Variants in LRRTM4 observed in about 807,000 individuals in gnomAD.
LRRTM4 encodes the protein leucine-rich repeat transmembrane neuronal protein 4.
In LRRTM4, 25 loss-of-function variants were observed where a neutral mutation model predicts 47.6. The ratio of observed to expected loss-of-function variants is 0.53; its 90% CI spans 0.38 to 0.73. The LOEUF is 0.73. Ranked by LOEUF, LRRTM4 falls within the 30% of genes least tolerant of loss-of-function variation. LRRTM4 has a pLI of 0.00. For missense variants in LRRTM4, 638 were observed against 713.4 expected, an observed-to-expected ratio of 0.89 and a Z score of 1.20; for synonymous variants, 311 against 269.5, an observed-to-expected ratio of 1.15 and a Z score of -1.51.
At chr2:77,321,009 A>AT (rs1553428132) in intron 3 of LRRTM4, among the ~76,000 whole-genome samples, 1 of 152,138 alleles carries the variant, frequency 6.6e-6, no homozygotes, top group Non-Finnish European at 1.5e-5. Context: ...AAGAATAAAA[A>AT]ATATAGACTT....
Position 77,070,448 on chromosome 2 carries a change from T to C in LRRTM4, c.1552-321532A>G, listed in dbSNP as rs1207036467. Among the ~76,000 whole-genome samples, 4 of 152,246 alleles carry C rather than the reference T, an allele frequency of 2.6e-5. No homozygotes were observed. The East Asian group carries it at 5.8e-4, about 22-fold the overall frequency. The stretch of plus-strand genomic sequence containing the variant: ...AAAGATAAAACATAAATGACCAAAC[T>C]ACATCCTAAAAATGTTCAATCTTTC... On this transcript the variant is annotated intron_variant, in intron 3 of 3. Transcript: ENST00000409884.
intron 3 of LRRTM4, among the ~76,000 whole-genome samples, chr2:77,147,297 C>A (rs1303592796): frequency 1.3e-5 from 2 of 152,162 alleles, no homozygotes; most frequent in Non-Finnish European, 2.9e-5. Flanking sequence ...GCCTAGGTGA[C>A]AGGACTCATG....
intron 3 of LRRTM4, among the ~76,000 whole-genome samples, chr2:77,010,381 C>T (rs973075044): frequency 6.6e-6 from 1 of 151,734 alleles, no homozygotes; most frequent in African/African-American, 2.4e-5. Flanking sequence ...TGAGATTATG[C>T]AATATTTGTT....
chr2:76,914,465 CAA>C (rs1415942747), intron 3 of LRRTM4, among the ~76,000 whole-genome samples: 4 of 151,716 alleles, frequency 2.6e-5, no homozygotes, highest in African/African-American at 9.7e-5. Flanking sequence ...TGTAAAGTGT[CAA>C]AGATGATTTG....
intron 3 of LRRTM4, among the ~76,000 whole-genome samples, chr2:77,106,656 G>C (rs1482037012): frequency 2.6e-5 from 4 of 151,988 alleles, no homozygotes; most frequent in Non-Finnish European, 4.4e-5. Flanking sequence ...AGAATTACAA[G>C]GATAGAAAAA....
intron 3 of LRRTM4, among the ~76,000 whole-genome samples, chr2:76,990,901 A>G (rs1259655905): frequency 1.3e-5 from 2 of 151,730 alleles, no homozygotes; most frequent in African/African-American, 4.8e-5. Flanking sequence ...GCTTGGCTAT[A>G]AAGCATGTCT....
chr2:76,851,599 C>G (rs1230768251), intron 3 of LRRTM4, among the ~76,000 whole-genome samples: 1 of 152,000 alleles, frequency 6.6e-6, no homozygotes, highest in Non-Finnish European at 1.5e-5. Context: ...ATCTGCTAGA[C>G]TAACTGTTGC....
intron 3 of LRRTM4, among the ~76,000 whole-genome samples, chr2:77,120,032 G>A (rs1350016406): frequency 1.3e-5 from 2 of 151,756 alleles, no homozygotes; most frequent in Non-Finnish European, 3.0e-5. Flanking sequence ...AGATCTCTAG[G>A]ATAGCTTTCA....
chr2:77,190,552 GGCTTCCCAAAGT>G (rs1673640021), intron 3 of LRRTM4, among the ~76,000 whole-genome samples: 1 of 151,882 alleles, frequency 6.6e-6, no homozygotes, highest in South Asian at 2.1e-4. Context: ...TGCCCACCTC[GGCTTCCCAAAGT>G]GCTTGGATTA....
chr2:77,160,631 A>G (rs567505373), intron 3 of LRRTM4, among the ~76,000 whole-genome samples: 34 of 152,246 alleles, frequency 2.2e-4, no homozygotes, highest in African/African-American at 6.3e-4. Context: ...TACAATGAAG[A>G]CTGACAGCTT....
At chr2:76,771,742 T>A (rs74925922) in intron 3 of LRRTM4, among the ~76,000 whole-genome samples, 378 of 151,842 alleles carry the variant, frequency 2.5e-3, no homozygotes, top group African/African-American at 8.8e-3. Context: ...AGGCAGAAGA[T>A]CTTTCTCCTC....
chr2:77,083,791 T>TTTTG (rs1558569761), intron 3 of LRRTM4, among the ~76,000 whole-genome samples: 9 of 54,142 alleles, frequency 1.7e-4, no homozygotes, highest in African/African-American at 1.0e-3. Context: ...CACTTTTTTT[T>TTTTG]TTTTTTTTTT....
chr2:76,875,328 T>C (rs1672746787), intron 3 of LRRTM4, among the ~76,000 whole-genome samples: 2 of 152,154 alleles, frequency 1.3e-5, no homozygotes, highest in Admixed American at 1.3e-4. Context: ...TTCTCCATAA[T>C]TTCTCCTTCC....
rs553317240 is a variant in LRRTM4, at chr2:76,891,154, A to G, written c.1552-142238T>C. Reference sequence around the variant, plus strand: ...CAGAAAGTAAAGAGAAACGCAAAGCAAAAAGACACATCAAACCCTTCCCAA... The same window carrying G: ...CAGAAAGTAAAGAGAAACGCAAAGCGAAAAGACACATCAAACCCTTCCCAA... On this transcript the variant is annotated intron_variant, in intron 3 of 3. Transcript: ENST00000409884. Among the ~76,000 whole-genome samples, 6 of 152,038 alleles carry G rather than the reference A, an allele frequency of 3.9e-5. No homozygotes were observed. The South Asian group carries it at 1.0e-3, about 26-fold the overall frequency.
At chr2:77,110,495 C>T (rs892747689) in intron 3 of LRRTM4, among the ~76,000 whole-genome samples, 2 of 152,082 alleles carry the variant, frequency 1.3e-5, no homozygotes, top group Admixed American at 1.3e-4. Context: ...GGGTATTATA[C>T]ATTAACACTT....
At chr2:77,366,021 G>A (rs961530731) in intron 3 of LRRTM4, among the ~76,000 whole-genome samples, 1 of 151,012 alleles carries the variant, frequency 6.6e-6, no homozygotes, top group African/African-American at 2.4e-5. Flanking sequence ...ATAGATATAA[G>A]GGAAATAAAA....
In LRRTM4 at chr2:76,892,685, A is replaced by G. The variant is rs548010445; in HGVS notation, c.1552-143769T>C. On this transcript the variant is annotated intron_variant, in intron 3 of 3. Coordinates refer to ENST00000409884, the MANE Select transcript of LRRTM4 (RefSeq NM_001134745.3). Reference sequence around the variant, plus strand: ...AGTGGGGGAAAGGGAGATTCAAAGTAAAATGCACTTAGGAAAAGTTGGGCG... The same window carrying G: ...AGTGGGGGAAAGGGAGATTCAAAGTGAAATGCACTTAGGAAAAGTTGGGCG... Among the ~76,000 whole-genome samples the G allele has an allele frequency of 7.9e-5, 12 of 151,884 alleles. No homozygotes were observed. The South Asian group carries it at 2.5e-3, about 31-fold the overall frequency.
chr2:77,110,851 G>A (rs1018087066), intron 3 of LRRTM4, among the ~76,000 whole-genome samples: 5 of 152,134 alleles, frequency 3.3e-5, no homozygotes, highest in African/African-American at 4.8e-5. Flanking sequence ...TATTAAGATT[G>A]TTATCTCTGG....
chr2:76,795,939 C>T lies in LRRTM4; in HGVS notation c.1552-47023G>A, dbSNP rs541061297. ...CTCATTGGGAGTGCCAGACAGTGGGCGCAGGTCAGTGGGTGCGCGCACCAT... is the reference window on the plus strand; with the variant it reads ...CTCATTGGGAGTGCCAGACAGTGGGTGCAGGTCAGTGGGTGCGCGCACCAT... On this transcript the variant is annotated intron_variant, in intron 3 of 3. Coordinates refer to ENST00000409884, the MANE Select transcript of LRRTM4 (RefSeq NM_001134745.3). Among the ~76,000 whole-genome samples the T allele has an allele frequency of 1.1e-4, 16 of 151,380 alleles. No homozygotes were observed. The South Asian group carries it at 1.5e-3, about 14-fold the overall frequency.
Sources: gnomAD v4.1 joint callset for allele counts (sites outside exome capture counted in the v4.1 genomes callset) on GRCh38, gnomAD v4.1.1 for gene constraint, MANE v1.5 for transcripts, NCBI Gene and HGNC (gene_info 2026-07-23, HGNC 2026-07-21) for gene names.